Variants in MAMDC2 observed in about 807,000 individuals in gnomAD.
MAMDC2 encodes MAM domain containing 2, also known as MAM domain-containing protein 2.
A neutral mutation model predicts 89.8 loss-of-function variants in MAMDC2; 57 were observed. The observed-to-expected ratio is 0.63, with a 90% CI of 0.51 to 0.79. The LOEUF (loss-of-function observed/expected upper bound fraction) is 0.79. Ranked by LOEUF, MAMDC2 falls within the 30% of genes least tolerant of loss-of-function variation. The pLI, the probability that MAMDC2 is intolerant of heterozygous loss-of-function variation, is 0.00. For missense variants in MAMDC2, 800 were observed against 820.6 expected, an observed-to-expected ratio of 0.97 and a Z score of 0.31; for synonymous variants, 313 against 293.4, an observed-to-expected ratio of 1.07 and a Z score of -0.68.
At chr9:70,217,271 G>C in intron 11 of MAMDC2, 1 of 1,119,746 alleles carries the variant, frequency 8.9e-7, no homozygotes, top group South Asian at 1.2e-5. Flanking sequence ...AGGACCGACG[G>C]GAAGGTTTTC....
At chr9:70,146,281 T>C (rs933051831) in intron 9 of MAMDC2, among the ~76,000 whole-genome samples, 8 of 152,202 alleles carry the variant, frequency 5.3e-5, no homozygotes, top group African/African-American at 1.7e-4. Flanking sequence ...TAGGGAAAAA[T>C]GGATCTAGAC....
intron 11 of MAMDC2, among the ~76,000 whole-genome samples, chr9:70,213,710 G>A (rs1351154454): frequency 6.6e-6 from 1 of 150,482 alleles, no homozygotes; most frequent in Non-Finnish European, 1.5e-5. Context: ...GCTTCTTGTG[G>A]ACCAATTTGC....
At chr9:70,068,358 AGG>A (rs1827316061) in intron 2 of MAMDC2, among the ~76,000 whole-genome samples, 1 of 152,084 alleles carries the variant, frequency 6.6e-6, no homozygotes, top group Non-Finnish European at 1.5e-5. Flanking sequence ...CTGTGGGGGT[AGG>A]GAGCACTGGG....
chr9:70,077,389 G>T (rs972018494), intron 2 of MAMDC2, among the ~76,000 whole-genome samples: 1 of 152,186 alleles, frequency 6.6e-6, no homozygotes, highest in African/African-American at 2.4e-5. Flanking sequence ...GTCCAATAGA[G>T]CTTTCTGTGA....
Position 70,078,089 on chromosome 9 carries a change from G to GA in MAMDC2, c.149-30114dup, listed in dbSNP as rs200584273. On this transcript the variant is annotated intron_variant, in intron 2 of 13. Transcript: ENST00000377182. ...TACTTATAATTTTTATTAGGAAATA[G>GA]AAAAAAAACTGCTATAGTGCACAAT... 7.1e-3 allele frequency among the ~76,000 whole-genome samples: 1,070 copies of GA among 151,646 alleles called. 4 individuals are homozygous for GA. The highest frequency in any genetic ancestry group is 0.014 in the Middle Eastern group (4 of 294).
intron 2 of MAMDC2, among the ~76,000 whole-genome samples, chr9:70,047,524 A>G (rs1817911616): frequency 6.6e-6 from 1 of 152,208 alleles, no homozygotes; most frequent in South Asian, 2.1e-4. Flanking sequence ...CCTGCAAAGG[A>G]CATAAACTCA....
chr9:70,188,422 T>C (rs1489878887), intron 11 of MAMDC2: 4 of 152,176 alleles, frequency 2.6e-5, no homozygotes, highest in Non-Finnish European at 4.4e-5. Flanking sequence ...TCATGTTAAA[T>C]AGATATTTTC....
At chr9:70,207,984 G>C (rs1251080221) in intron 11 of MAMDC2, among the ~76,000 whole-genome samples, 1 of 152,098 alleles carries the variant, frequency 6.6e-6, no homozygotes, top group African/African-American at 2.4e-5. Context: ...CTGTTCCATT[G>C]GTCTATATCT....
At chr9:70,212,343 C>T (rs1180777041) in intron 11 of MAMDC2, among the ~76,000 whole-genome samples, 1 of 152,246 alleles carries the variant, frequency 6.6e-6, no homozygotes, top group Non-Finnish European at 1.5e-5. Flanking sequence ...GCCCCTTCCC[C>T]AGCCTCGCTG....
At chr9:70,213,897 C>T (rs1395803606) in intron 11 of MAMDC2, among the ~76,000 whole-genome samples, 4 of 152,180 alleles carry the variant, frequency 2.6e-5, no homozygotes, top group Non-Finnish European at 4.4e-5. Context: ...GTGCATATCT[C>T]ACCGCCAAGA....
intron 9 of MAMDC2, among the ~76,000 whole-genome samples, chr9:70,163,845 T>C (rs989446652): frequency 6.6e-6 from 1 of 150,600 alleles, no homozygotes; most frequent in South Asian, 2.1e-4. Flanking sequence ...TTCCAACTAT[T>C]TGGGAGGCTG....
At chr9:70,217,929 C>T (rs2033480040) in intron 11 of MAMDC2, among the ~76,000 whole-genome samples, 2 of 152,126 alleles carry the variant, frequency 1.3e-5, no homozygotes, top group African/African-American at 2.4e-5. Flanking sequence ...ATCACATAAA[C>T]AACAAATATT....
intron 11 of MAMDC2, among the ~76,000 whole-genome samples, chr9:70,174,725 ATT>A (rs34725592): frequency 1.4e-5 from 2 of 141,848 alleles, no homozygotes; most frequent in African/African-American, 2.6e-5. Context: ...AGGGCTTTGG[ATT>A]TTTTTTTTTT....
chr9:70,189,879 C>G (rs2032842056), intron 11 of MAMDC2, among the ~76,000 whole-genome samples: 1 of 151,980 alleles, frequency 6.6e-6, no homozygotes, highest in African/African-American at 2.4e-5. Flanking sequence ...CTGCTGGGCC[C>G]TCTCATGAAT....
At chr9:70,081,074 CTTTT>C (rs1364069726) in intron 2 of MAMDC2, among the ~76,000 whole-genome samples, 2 of 151,968 alleles carry the variant, frequency 1.3e-5, no homozygotes, top group African/African-American at 4.8e-5. Context: ...TGAAAATTAC[CTTTT>C]TTTGTTTGAT....
chr9:70,104,557 A>G (rs1299409037), intron 2 of MAMDC2, among the ~76,000 whole-genome samples: 1 of 152,256 alleles, frequency 6.6e-6, no homozygotes, highest in Non-Finnish European at 1.5e-5. Context: ...TCCATCAACT[A>G]ATGAATGAAT....
chr9:70,184,520 A>G (rs1056040975), intron 11 of MAMDC2, among the ~76,000 whole-genome samples: 7 of 152,152 alleles, frequency 4.6e-5, no homozygotes, highest in Non-Finnish European at 4.4e-5. Context: ...AGGTACACCA[A>G]TCAGTCATAG....
intron 2 of MAMDC2, among the ~76,000 whole-genome samples, chr9:70,052,230 T>C (rs1311006047): frequency 6.6e-6 from 1 of 152,238 alleles, no homozygotes; most frequent in Non-Finnish European, 1.5e-5. Context: ...TATCTTTTGA[T>C]GATTAGCAAT....
intron 11 of MAMDC2, among the ~76,000 whole-genome samples, chr9:70,189,410 G>C (rs747807354): frequency 3.3e-5 from 5 of 152,026 alleles, no homozygotes; most frequent in Non-Finnish European, 5.9e-5. Flanking sequence ...ATCTTATTGA[G>C]GTTCTCTTGT....
Sources: gnomAD v4.1 joint callset for allele counts (sites outside exome capture counted in the v4.1 genomes callset) on GRCh38, gnomAD v4.1.1 for gene constraint, MANE v1.5 for transcripts, NCBI Gene and HGNC (gene_info 2026-07-23, HGNC 2026-07-21) for gene names.